Variants in DENND1A observed in about 807,000 individuals in gnomAD.
The protein encoded by DENND1A is DENN domain-containing protein 1A.
Under a neutral mutation model 113.7 loss-of-function variants are expected in DENND1A, and 51 were observed. The ratio of observed to expected loss-of-function variants is 0.45; its 90% confidence interval spans 0.36 to 0.57. The LOEUF (loss-of-function observed/expected upper bound fraction) is 0.57. Among genes scored for constraint, DENND1A ranks in the 20% least tolerant of loss-of-function variants. The probability of loss-of-function intolerance (pLI) is 0.00; values close to 1 mark genes in which losing one functional copy is unlikely to be tolerated. For synonymous variants in DENND1A, 565 were observed against 570.8 expected (o/e 0.99, Z 0.14); for missense variants, 1,258 against 1,395.9 (o/e 0.90, Z 1.57).
At chr9:123,747,055 TA>T (rs576375277) in intron 5 of DENND1A, among the ~76,000 whole-genome samples, 7 of 152,030 alleles carry the variant, frequency 4.6e-5, no homozygotes, top group Non-Finnish European at 1.0e-4. Flanking sequence ...TTTTGTTTTT[TA>T]ACCACTTAAA....
intron 13 of DENND1A, among the ~76,000 whole-genome samples, chr9:123,507,685 TAAAA>T (rs552077971): frequency 1.5e-5 from 2 of 136,848 alleles, no homozygotes; most frequent in Non-Finnish European, 3.2e-5. Context: ...CCTCATCTCT[TAAAA>T]AAAAAAAAAA....
intron 13 of DENND1A, among the ~76,000 whole-genome samples, chr9:123,464,253 G>A (rs1404803532): frequency 6.6e-6 from 1 of 152,180 alleles, no homozygotes; most frequent in Non-Finnish European, 1.5e-5. Flanking sequence ...AGAAGTGGAT[G>A]AAAATATAGA....
chr9:123,513,100 T>C (rs1173660896), intron 13 of DENND1A, among the ~76,000 whole-genome samples: 1 of 152,222 alleles, frequency 6.6e-6, no homozygotes, highest in Non-Finnish European at 1.5e-5. Context: ...ATTCAAGGCC[T>C]GTTTACCTGT....
At position 123,883,577 on chromosome 9, in the gene DENND1A, T is replaced by C. The variant is rs184303133; in HGVS notation, c.18-4556A>G. 2.9e-3 allele frequency among the ~76,000 whole-genome samples: 445 copies of C among 152,338 alleles called. 1 individual carries two copies. The highest frequency in any genetic ancestry group is 6.2e-3 in the Admixed American group (95 of 15,300). On this transcript the variant is annotated intron_variant, in intron 1 of 23. Coordinates refer to ENST00000394215, the MANE Select transcript of DENND1A (RefSeq NM_001352964.2). ...TGCTGCTGGACCCGTGACCATACTT[T>C]AAGAACTACCAGTTAAGTAGAATTC... is the stretch of plus-strand genomic sequence containing the variant.
intron 5 of DENND1A, among the ~76,000 whole-genome samples, chr9:123,744,724 G>A (rs1271292235): frequency 6.7e-6 from 1 of 149,938 alleles, no homozygotes; most frequent in Non-Finnish European, 1.5e-5. Flanking sequence ...GTGATGTGGT[G>A]AGATGTCCAC....
chr9:123,916,319 T>C (rs1273207014), intron 1 of DENND1A, among the ~76,000 whole-genome samples: 5 of 151,428 alleles, frequency 3.3e-5, no homozygotes, highest in Non-Finnish European at 7.4e-5. Flanking sequence ...TGGAATGCTA[T>C]CACTTATCTG....
intron 13 of DENND1A, among the ~76,000 whole-genome samples, chr9:123,477,095 C>A (rs2049976430): frequency 6.6e-6 from 1 of 152,220 alleles, no homozygotes; most frequent in Non-Finnish European, 1.5e-5. Context: ...AAACTGAGGG[C>A]AGGGTATTCC....
intron 13 of DENND1A, among the ~76,000 whole-genome samples, chr9:123,471,435 T>C (rs1453231689): frequency 6.6e-6 from 1 of 152,154 alleles, no homozygotes; most frequent in African/African-American, 2.4e-5. Flanking sequence ...ATTAGGATGG[T>C]TTCCTGCCCA....
intron 2 of DENND1A, among the ~76,000 whole-genome samples, chr9:123,829,295 A>G (rs1839842320): frequency 6.6e-6 from 1 of 152,284 alleles, no homozygotes; most frequent in African/African-American, 2.4e-5. Flanking sequence ...CTTTCAAATT[A>G]GTTAAAATAC....
At chr9:123,399,432 C>T (rs2043312231) in intron 21 of DENND1A, among the ~76,000 whole-genome samples, 1 of 152,098 alleles carries the variant, frequency 6.6e-6, no homozygotes, top group Non-Finnish European at 1.5e-5. Context: ...GTGTCATGAT[C>T]TCAGCTCACT....
At chr9:123,492,005 T>G (rs1220124506) in intron 13 of DENND1A, 1 of 152,246 alleles carries the variant, frequency 6.6e-6, no homozygotes, top group Non-Finnish European at 1.5e-5. Context: ...TCCGAGGGAC[T>G]CCTTCAGAGC....
chr9:123,437,838 G>C (rs150800966), intron 19 of DENND1A: 1 of 152,014 alleles, frequency 6.6e-6, no homozygotes, highest in African/African-American at 2.4e-5. Context: ...GGAGTCTGTT[G>C]GTTTCCAAAA....
chr9:123,609,091 A>G (rs1392463283), intron 11 of DENND1A, among the ~76,000 whole-genome samples: 1 of 152,244 alleles, frequency 6.6e-6, no homozygotes, highest in Non-Finnish European at 1.5e-5. Context: ...ATTTACTACA[A>G]TGAAGAATGC....
intron 1 of DENND1A, among the ~76,000 whole-genome samples, chr9:123,885,757 G>A (rs1848975273): frequency 6.6e-6 from 1 of 152,194 alleles, no homozygotes; most frequent in Non-Finnish European, 1.5e-5. Context: ...CACCGGAAGG[G>A]TCATGCTCAG....
chr9:123,653,889 A>C (rs1191966078), intron 8 of DENND1A, among the ~76,000 whole-genome samples: 2 of 150,376 alleles, frequency 1.3e-5, no homozygotes, highest in East Asian at 3.9e-4. Flanking sequence ...TCCATTATAT[A>C]GATGAGAAAT....
intron 13 of DENND1A, among the ~76,000 whole-genome samples, chr9:123,551,053 AGGG>A (rs971627959): frequency 2.0e-5 from 3 of 152,224 alleles, no homozygotes; most frequent in Non-Finnish European, 4.4e-5. Context: ...ACATGGATAA[AGGG>A]GGTTTCTCTG....
intron 1 of DENND1A, among the ~76,000 whole-genome samples, chr9:123,899,761 T>C (rs981669529): frequency 6.6e-6 from 1 of 152,214 alleles, no homozygotes; most frequent in African/African-American, 2.4e-5. Flanking sequence ...ATGTGAAACT[T>C]TTCCTATGAG....
chr9:123,518,719 C>T (rs2054142453), intron 13 of DENND1A, among the ~76,000 whole-genome samples: 1 of 152,152 alleles, frequency 6.6e-6, no homozygotes, highest in Non-Finnish European at 1.5e-5. Context: ...CTTTCCTCTC[C>T]ATTTCCACTG....
chr9:123,763,725 C>G (rs2071234439), intron 4 of DENND1A, among the ~76,000 whole-genome samples: 2 of 151,914 alleles, frequency 1.3e-5, no homozygotes, highest in Admixed American at 1.3e-4. Context: ...GGAGAATAGC[C>G]AGCAGAACAA....
Sources: gnomAD v4.1 joint callset for allele counts (sites outside exome capture counted in the v4.1 genomes callset) on GRCh38, gnomAD v4.1.1 for gene constraint, MANE v1.5 for transcripts, NCBI Gene and HGNC (gene_info 2026-07-23, HGNC 2026-07-21) for gene names.